OTOP1: variants seen among roughly 807,000 people sequenced by gnomAD.
OTOP1 encodes the protein otopetrin 1, also known as proton channel OTOP1.
In OTOP1, 59 loss-of-function variants were observed where a neutral mutation model predicts 52.9. The ratio of observed to expected loss-of-function variants is 1.12; its 90% CI spans 0.91 to 1.39. OTOP1 has a LOEUF of 1.39. Among genes scored for constraint, OTOP1 ranks in the 40% most tolerant of loss-of-function variants. The pLI is 0.00. For missense variants in OTOP1, 761 were observed against 800.9 expected (o/e 0.95, Z 0.60); for synonymous variants, 317 against 337.7 (o/e 0.94, Z 0.67).
At chr4:4,212,844 T>G (rs1717054627) in intron 2 of OTOP1, 24 bp downstream of exon 2, 5 of 1,612,962 alleles carry the variant, frequency 3.1e-6, no homozygotes, top group East Asian at 2.2e-5. Flanking sequence ...AATGAGACAA[T>G]ATAAATAAAC....
chr4:4,207,949 T>C (rs1435233059), intron 2 of OTOP1, among the ~76,000 whole-genome samples: 2 of 152,040 alleles, frequency 1.3e-5, no homozygotes, highest in African/African-American at 4.8e-5. Flanking sequence ...AAGAGGCAAA[T>C]GGTTGCATTC....
intron 1 of OTOP1, among the ~76,000 whole-genome samples, chr4:4,218,594 A>C (rs1207991487): frequency 2.0e-5 from 3 of 152,178 alleles, no homozygotes; most frequent in Non-Finnish European, 2.9e-5. Context: ...AGTGTGGCTC[A>C]CTGAGGGAAA....
intron 5 of OTOP1, among the ~76,000 whole-genome samples, chr4:4,194,048 C>A (rs1245384147): frequency 4.6e-5 from 7 of 152,052 alleles, no homozygotes; most frequent in African/African-American, 1.7e-4. Context: ...ATTAGCTGGG[C>A]ATGGTGGTTG....
intron 2 of OTOP1, among the ~76,000 whole-genome samples, chr4:4,210,414 C>A (rs1374000859): frequency 1.3e-5 from 2 of 152,164 alleles, no homozygotes; most frequent in Admixed American, 1.3e-4. Flanking sequence ...GGCTAGAAAT[C>A]CAAGATCAAG....
intron 1 of OTOP1, among the ~76,000 whole-genome samples, chr4:4,219,881 A>G (rs551231875): frequency 4.8e-5 from 7 of 145,750 alleles, no homozygotes; most frequent in Admixed American, 6.9e-5. Flanking sequence ...ATATATGTAT[A>G]TATACACATA....
chr4:4,226,707 A>G lies in OTOP1; in HGVS notation c.158T>C (p.Val53Ala). 1.4e-6 allele frequency: 2 copies of G among 1,446,810 alleles called. No homozygotes were observed. The highest frequency in any genetic ancestry group is 1.8e-6 in the Non-Finnish European group (2 of 1,096,310). The allele number at this position is 1,446,810 out of a possible 1,614,324, so 89.6% of individuals were successfully genotyped here. A position where few individuals can be genotyped will look rare whatever the true frequency, so the allele number is the denominator to read the frequency against. Residue 53 changes from valine to alanine, a missense_variant, in exon 1 of 6, where the codon GTC (valine) becomes GCC (alanine). This residue lies in a region of OTOP1 where 56 missense variants were observed against 105.6 expected (regional missense o/e 0.53). Transcript: ENST00000296358. Reference sequence around the variant, plus strand: ...CAGCATCTCGGCCAGTTTCTGTGGGACGCTGGCGCGCACACCGCCCCGCCG... The same window carrying G: ...CAGCATCTCGGCCAGTTTCTGTGGGGCGCTGGCGCGCACACCGCCCCGCCG... The part of the protein sequence containing the change: ...APRRGGVRAS[V>A]PQKLAEMLSS...
chr4:4,188,737 TG>T lies in OTOP1; in HGVS notation c.*65del. The T allele has an allele frequency of 8.4e-6, 12 of 1,422,348 alleles. No individual in the cohort carries two copies. The highest frequency in any genetic ancestry group is 1.1e-5 in the Non-Finnish European group (12 of 1,067,358). The allele number at this position is 1,422,348 out of a possible 1,614,324, so 88.1% of individuals were successfully genotyped here. ...TTTGTCAGGCAATATTTGCCCAACC[TG>T]GCCACTCCTAGTTGGCTCCAATGAA... On this transcript the variant is annotated 3_prime_UTR_variant, in exon 6 of 6. Transcript: ENST00000296358.
rs764097171 is a variant in OTOP1, at chr4:4,197,240, G to A, written c.1594C>T (p.Arg532Cys). 138 of 1,613,942 alleles carry A rather than the reference G, an allele frequency of 8.6e-5. No individual in the cohort carries two copies. Among genetic ancestry groups the A allele is most frequent in the Non-Finnish European group, 1.2e-4 (137 of 1,180,044 alleles). ...CTCTTGGCGTTGCCCTGTAAGAAACGGGGAAGGCGGACTGGGCTTGGGCTC... is the reference window on the plus strand; with the variant it reads ...CTCTTGGCGTTGCCCTGTAAGAAACAGGGAAGGCGGACTGGGCTTGGGCTC... ...GGSPSPVRLPRFLQGNAKRKV... is the reference protein window; with the variant it reads ...GGSPSPVRLPCFLQGNAKRKV... Residue 532 changes from arginine to cysteine, a missense_variant, in exon 5 of 6, where the codon CGT becomes TGT. Transcript: ENST00000296358.
intron 1 of OTOP1, among the ~76,000 whole-genome samples, chr4:4,220,601 T>A (rs1337282477): frequency 6.6e-6 from 1 of 152,102 alleles, no homozygotes; most frequent in East Asian, 1.9e-4. Context: ...GGAGATTGAG[T>A]GAGTCATTAC....
At chr4:4,196,670 G>T (rs1330595243) in intron 5 of OTOP1, among the ~76,000 whole-genome samples, 1 of 152,220 alleles carries the variant, frequency 6.6e-6, no homozygotes, top group Non-Finnish European at 1.5e-5. Flanking sequence ...CGAAGCTGCA[G>T]TGAGCTGTGA....
chr4:4,199,582 T>A (rs1311129238), intron 4 of OTOP1, among the ~76,000 whole-genome samples: 1 of 152,104 alleles, frequency 6.6e-6, no homozygotes, highest in African/African-American at 2.4e-5. Flanking sequence ...CCGGCTAATT[T>A]TTACATTTTT....
At chr4:4,201,377 A>C (rs1716782627) in intron 4 of OTOP1, among the ~76,000 whole-genome samples, 1 of 152,022 alleles carries the variant, frequency 6.6e-6, no homozygotes, top group Non-Finnish European at 1.5e-5. Flanking sequence ...CAGTGAGCCG[A>C]GGTCACGCCA....
chr4:4,213,337 A>T (rs1717065278), intron 1 of OTOP1, among the ~76,000 whole-genome samples: 1 of 152,240 alleles, frequency 6.6e-6, no homozygotes, highest in Admixed American at 6.5e-5. Flanking sequence ...TGGCTTTGGC[A>T]ATAATTTCTT....
intron 1 of OTOP1, among the ~76,000 whole-genome samples, chr4:4,215,322 C>A (rs539304278): frequency 1.3e-5 from 2 of 152,188 alleles, no homozygotes; most frequent in South Asian, 4.1e-4. Flanking sequence ...CTGCTCTACT[C>A]AAAAATCTCA....
intron 1 of OTOP1, among the ~76,000 whole-genome samples, chr4:4,213,356 C>T (rs1717065564): frequency 1.3e-5 from 2 of 152,116 alleles, no homozygotes; most frequent in Non-Finnish European, 2.9e-5. Context: ...TTGGCTATGA[C>T]ACCAAAAATG....
At chr4:4,203,930 T>C (rs1157831214) in intron 3 of OTOP1, among the ~76,000 whole-genome samples, 1 of 152,214 alleles carries the variant, frequency 6.6e-6, no homozygotes, top group Non-Finnish European at 1.5e-5. Flanking sequence ...TCAGCCGTAG[T>C]CTTGAACTTG....
chr4:4,205,332 CAGA>C (rs1357811244), intron 3 of OTOP1, among the ~76,000 whole-genome samples: 1 of 152,142 alleles, frequency 6.6e-6, no homozygotes, highest in African/African-American at 2.4e-5. Flanking sequence ...TATCAAGCGG[CAGA>C]AGGTTAAAAA....
At chr4:4,209,847 C>T (rs900167561) in intron 2 of OTOP1, among the ~76,000 whole-genome samples, 1 of 152,180 alleles carries the variant, frequency 6.6e-6, no homozygotes, top group African/African-American at 2.4e-5. Context: ...TGTGCCCACA[C>T]ATCGCCCCCC....
intron 4 of OTOP1, among the ~76,000 whole-genome samples, 198 bp downstream of exon 4, chr4:4,202,250 T>G (rs1379611417): frequency 6.6e-6 from 1 of 152,172 alleles, no homozygotes; most frequent in African/African-American, 2.4e-5. Context: ...AACCTTTAAT[T>G]ATGCTCAGTA....
Sources: gnomAD v4.1 joint callset for allele counts (sites outside exome capture counted in the v4.1 genomes callset) on GRCh38, gnomAD v4.1.1 for gene constraint, gnomAD v4.1.1 regional missense constraint, MANE v1.5 for transcripts, NCBI Gene and HGNC (gene_info 2026-07-23, HGNC 2026-07-21) for gene names.